LPP: variants seen among roughly 807,000 people sequenced by gnomAD.
LPP encodes lipoma-preferred partner.
In LPP, 38 loss-of-function variants were observed where a neutral mutation model predicts 60.4. The observed-to-expected ratio is 0.63, with a 90% CI of 0.49 to 0.83. The LOEUF is 0.83. LPP is among the 40% of genes least tolerant of loss of function. LPP has a pLI of 0.00. For synonymous variants in LPP, 328 were observed against 290.8 expected (o/e 1.13, Z -1.30); for missense variants, 902 against 783.6 (o/e 1.15, Z -1.80).
At chr3:188,387,533 G>A (rs1049089411) in intron 3 of LPP, among the ~76,000 whole-genome samples, 5 of 150,320 alleles carry the variant, frequency 3.3e-5, no homozygotes, top group Non-Finnish European at 5.9e-5. Context: ...TATATATGAT[G>A]TCTGAGGGTT....
intron 1 of LPP, 136 bp from the exon 2 acceptor site, chr3:188,225,263 ATAAGAG>A (rs1307067202): frequency 1.3e-5 from 2 of 152,198 alleles, no homozygotes; most frequent in Admixed American, 1.3e-4. Flanking sequence ...AATTAGTGAA[ATAAGAG>A]TGCCAGGATC....
chr3:188,535,535 A>T (rs1035639136), intron 6 of LPP, among the ~76,000 whole-genome samples: 1 of 152,230 alleles, frequency 6.6e-6, no homozygotes, highest in Non-Finnish European at 1.5e-5. Context: ...GAGTTAGCAC[A>T]TGACAAAGTT....
intron 9 of LPP, among the ~76,000 whole-genome samples, chr3:188,862,998 T>C (rs1339166622): frequency 6.6e-6 from 1 of 152,116 alleles, no homozygotes; most frequent in Admixed American, 6.5e-5. Context: ...AATATCCCTC[T>C]ATGATCCTTA....
At chr3:188,575,107 C>G (rs901075275) in intron 6 of LPP, among the ~76,000 whole-genome samples, 1 of 152,032 alleles carries the variant, frequency 6.6e-6, no homozygotes, top group Non-Finnish European at 1.5e-5. Flanking sequence ...TTAAGACTTT[C>G]CAAATTGCCT....
rs542781708 is a variant in LPP, at chr3:188,779,361, C to T, written c.1410+19079C>T. Among the ~76,000 whole-genome samples the T allele has an allele frequency of 3.9e-5, 6 of 152,180 alleles. No homozygotes were observed. The East Asian group carries it at 7.8e-4, about 20-fold the overall frequency. Reference sequence around the variant, plus strand: ...TTGACAGTAGAAAATCAGGAAGGGACGTGCATCAGTGCGAGGCTGACACAC... The same window carrying T: ...TTGACAGTAGAAAATCAGGAAGGGATGTGCATCAGTGCGAGGCTGACACAC... On this transcript the variant is annotated intron_variant, in intron 9 of 11. Coordinates refer to ENST00000617246, the MANE Select transcript of LPP (RefSeq NM_001375462.1).
chr3:188,652,938 A>G (rs1251267817), intron 7 of LPP, among the ~76,000 whole-genome samples: 1 of 152,076 alleles, frequency 6.6e-6, no homozygotes, highest in East Asian at 1.9e-4. Flanking sequence ...CCAAATGTCT[A>G]AGCTCCTCAC....
At chr3:188,377,951 T>G (rs1289606476) in intron 3 of LPP, among the ~76,000 whole-genome samples, 1 of 152,222 alleles carries the variant, frequency 6.6e-6, no homozygotes, top group African/African-American at 2.4e-5. Flanking sequence ...GCAGGTCTGT[T>G]GGAGTTTGCT....
chr3:188,204,832 G>C (rs772005488), intron 1 of LPP, among the ~76,000 whole-genome samples: 19 of 152,176 alleles, frequency 1.2e-4, no homozygotes, highest in Non-Finnish European at 2.2e-4. Flanking sequence ...GTCACTCTTG[G>C]AAGTGTAAGA....
intron 7 of LPP, among the ~76,000 whole-genome samples, chr3:188,618,877 G>A (rs577103637): frequency 6.6e-6 from 1 of 152,260 alleles, no homozygotes; most frequent in African/African-American, 2.4e-5. Context: ...TAAGGTGTAA[G>A]TGTGGTAGTT....
At chr3:188,679,347 T>G (rs1362454849) in intron 7 of LPP, among the ~76,000 whole-genome samples, 1 of 152,236 alleles carries the variant, frequency 6.6e-6, no homozygotes, top group African/African-American at 2.4e-5. Flanking sequence ...TATTTGTTTT[T>G]GTTTTACTGT....
intron 7 of LPP, among the ~76,000 whole-genome samples, chr3:188,645,600 AC>A: frequency 6.6e-6 from 1 of 152,146 alleles, no homozygotes. Context: ...CAGTGTGGGA[AC>A]GTGGATCCCT....
At chr3:188,746,308 A>G (rs978862914) in intron 8 of LPP, among the ~76,000 whole-genome samples, 1 of 152,206 alleles carries the variant, frequency 6.6e-6, no homozygotes, top group African/African-American at 2.4e-5. Flanking sequence ...GTTTAAATAT[A>G]GTCCATATGG....
chr3:188,374,592 T>G (rs1457066443), intron 3 of LPP, among the ~76,000 whole-genome samples: 2 of 152,230 alleles, frequency 1.3e-5, no homozygotes, highest in Non-Finnish European at 2.9e-5. Flanking sequence ...CTTATCAGCT[T>G]GAGGAGATTT....
At chr3:188,811,477 T>G (rs1215883570) in intron 9 of LPP, among the ~76,000 whole-genome samples, 1 of 152,064 alleles carries the variant, frequency 6.6e-6, no homozygotes, top group Non-Finnish European at 1.5e-5. Context: ...TATTAACCTT[T>G]AAGTATAGCA....
At chr3:188,724,278 A>T (rs1384220136) in intron 8 of LPP, among the ~76,000 whole-genome samples, 1 of 152,250 alleles carries the variant, frequency 6.6e-6, no homozygotes, top group Non-Finnish European at 1.5e-5. Flanking sequence ...CCCTGCATAT[A>T]CCATGCCTGT....
chr3:188,514,445 T>TA (rs34206751), intron 5 of LPP, among the ~76,000 whole-genome samples: 46,401 of 151,648 alleles, frequency 0.31, 7,928 homozygotes, highest in East Asian at 0.65. Flanking sequence ...TATTTTATTT[T>TA]TTTTTTTATT....
At chr3:188,748,745 T>C (rs1181907316) in intron 8 of LPP, among the ~76,000 whole-genome samples, 1 of 152,160 alleles carries the variant, frequency 6.6e-6, no homozygotes, top group Non-Finnish European at 1.5e-5. Flanking sequence ...ATTGTGCCGT[T>C]GCACTCCAGC....
intron 2 of LPP, among the ~76,000 whole-genome samples, chr3:188,252,001 G>A (rs1729790887): frequency 9.9e-6 from 1 of 100,838 alleles, no homozygotes; most frequent in African/African-American, 3.6e-5. Flanking sequence ...GGTTTTCTTG[G>A]TTATCTTTCT....
chr3:188,209,813 G>A (rs1734227921), intron 1 of LPP, among the ~76,000 whole-genome samples: 1 of 152,118 alleles, frequency 6.6e-6, no homozygotes, highest in African/African-American at 2.4e-5. Flanking sequence ...GTTTAGTAGG[G>A]TATGACTTGT....
Sources: allele counts gnomAD v4.1 joint callset (sites outside exome capture counted in the v4.1 genomes callset), GRCh38; gene constraint gnomAD v4.1.1; transcripts MANE v1.5; gene names NCBI Gene and HGNC (gene_info 2026-07-23, HGNC 2026-07-21).